Variants in PUM2 observed in about 807,000 individuals in gnomAD.
PUM2 encodes the protein pumilio homolog 2.
PUM2 carries 57 observed loss-of-function variants against 124.5 expected under a neutral mutation model. The ratio of observed to expected loss-of-function variants is 0.46; its 90% confidence interval spans 0.37 to 0.57. The LOEUF is 0.57. Ranked by LOEUF, PUM2 falls within the 20% of genes least tolerant of loss-of-function variation. The pLI is 0.00. For missense variants in PUM2, 1,065 were observed against 1,290.6 expected (o/e 0.83, Z 2.68); for synonymous variants, 460 against 446.1 (o/e 1.03, Z -0.39).
intron 13 of PUM2, among the ~76,000 whole-genome samples, chr2:20,270,953 C>T (rs57423201): frequency 6.6e-6 from 1 of 151,850 alleles, no homozygotes; most frequent in East Asian, 1.9e-4. Context: ...AAAATAATTC[C>T]AATGAAATCA....
chr2:20,308,079 G>A lies in PUM2; in HGVS notation c.790-8C>T. 6.2e-7 allele frequency: 1 copy of A among 1,600,136 alleles called. No homozygotes were observed. The highest frequency in any genetic ancestry group is 8.5e-7 in the Non-Finnish European group (1 of 1,170,188). ...ATTAGTCCTCTGAAAGAGCTATTAG[G>A]GAAAATATTTAACACAAAGATTAGT... is the stretch of plus-strand genomic sequence containing the variant. On this transcript the variant is annotated splice_region_variant and splice_polypyrimidine_tract_variant and intron_variant, in intron 6 of 20. Coordinates refer to ENST00000361078, the MANE Select transcript of PUM2 (RefSeq NM_015317.5).
intron 1 of PUM2, among the ~76,000 whole-genome samples, chr2:20,344,768 G>C (rs972203314): frequency 1.3e-5 from 2 of 151,884 alleles, no homozygotes; most frequent in African/African-American, 2.4e-5. Flanking sequence ...GGATCACGAG[G>C]TCAGGAGATG....
intron 1 of PUM2, among the ~76,000 whole-genome samples, chr2:20,340,865 T>A (rs908043973): frequency 6.6e-5 from 10 of 152,322 alleles, no homozygotes; most frequent in Non-Finnish European, 8.8e-5. Context: ...ATGAACTCGA[T>A]CTCATTTGTC....
Position 20,254,749 on chromosome 2 carries a change from C to T in PUM2, c.2870+114G>A, listed in dbSNP as rs1024614473. ...GTTCTATAGGTGCATTTTAATGATA[C>T]CAAAAAAAAAAGACTACAGTTTAAT... On this transcript the variant is annotated intron_variant, in intron 19 of 20. Transcript: ENST00000361078. 7 of 1,153,766 alleles carry T rather than the reference C, an allele frequency of 6.1e-6. No homozygotes were observed. In the African/African-American group the frequency reaches 1.1e-4, roughly 18 times the overall value. 71.5% of individuals were successfully genotyped at this position (1,153,766 alleles called of 1,614,324 possible).
chr2:20,267,460 A>C (rs1487490399), intron 13 of PUM2, among the ~76,000 whole-genome samples: 1 of 152,194 alleles, frequency 6.6e-6, no homozygotes, highest in East Asian at 1.9e-4. Flanking sequence ...ATAGTTTTGC[A>C]ATTTTCCCAT....
chr2:20,318,408 C>T (rs1217856607), intron 3 of PUM2, 129 bp downstream of exon 3: 1 of 727,180 alleles, frequency 1.4e-6, no homozygotes, highest in African/African-American at 1.8e-5. Flanking sequence ...TTGAGACCAG[C>T]CTGGGCAATA....
intron 13 of PUM2, among the ~76,000 whole-genome samples, chr2:20,263,677 AGTGT>A (rs1400822718): frequency 6.6e-6 from 1 of 152,216 alleles, no homozygotes; most frequent in Non-Finnish European, 1.5e-5. Flanking sequence ...GAGAAAAATA[AGTGT>A]GTATTTATTC....
chr2:20,350,937 C>T (rs1260041288), upstream of PUM2: 6 of 282,456 alleles, frequency 2.1e-5, no homozygotes, highest in Non-Finnish European at 2.7e-5. Flanking sequence ...GCCTTGCGTC[C>T]CTGCTCCCGC....
At chr2:20,310,462 T>C (rs1679355621) in intron 5 of PUM2, among the ~76,000 whole-genome samples, 1 of 152,004 alleles carries the variant, frequency 6.6e-6, no homozygotes, top group Non-Finnish European at 1.5e-5. Context: ...CTCTGAAGGG[T>C]TTATCATCTA....
Position 20,261,424 on chromosome 2 carries a change from T to TGTAGTACATA in PUM2, c.2226-968_2226-959dup, listed in dbSNP as rs1448486036. ...AAAAAAAAAAAAAAAAAAAAAAAAG[T>TGTAGTACATA]GTAGTACATATAATTGTGTACGGTA... On this transcript the variant is annotated intron_variant, in intron 14 of 20. Coordinates refer to ENST00000361078, the MANE Select transcript of PUM2 (RefSeq NM_015317.5). Among the ~76,000 whole-genome samples, 435 of 65,634 alleles carry TGTAGTACATA rather than the reference T, an allele frequency of 6.6e-3. 3 individuals are homozygous for TGTAGTACATA. The highest frequency in any genetic ancestry group is 0.027 in the African/African-American group (407 of 15,178). 43.1% of individuals were successfully genotyped at this position (65,634 alleles called of 152,430 possible). A position where few individuals can be genotyped will look rare whatever the true frequency, so the allele number is the denominator to read the frequency against.
At chr2:20,286,910 G>A (rs1376499320) in intron 10 of PUM2, among the ~76,000 whole-genome samples, 5 of 151,842 alleles carry the variant, frequency 3.3e-5, no homozygotes, top group East Asian at 1.9e-4. Context: ...AACCCTGATC[G>A]TGCCTGATCT....
chr2:20,336,119 A>C (rs1685953976), intron 1 of PUM2, among the ~76,000 whole-genome samples: 1 of 152,230 alleles, frequency 6.6e-6, no homozygotes, highest in African/African-American at 2.4e-5. Flanking sequence ...AGGTCAAATA[A>C]TTTAGATGGA....
intron 14 of PUM2, among the ~76,000 whole-genome samples, chr2:20,261,530 TAA>T (rs199675974): frequency 3.0e-4 from 41 of 138,942 alleles, no homozygotes; most frequent in African/African-American, 5.0e-4. Context: ...TCCACTTGTT[TAA>T]AAAAAAAAAA....
At chr2:20,292,829 G>A (rs181261810) in intron 9 of PUM2, among the ~76,000 whole-genome samples, 148 of 152,170 alleles carry the variant, frequency 9.7e-4, no homozygotes, top group Non-Finnish European at 1.7e-3. Context: ...TACTTGGGAG[G>A]CTGAGGCAAG....
At chr2:20,302,837 C>CT (rs1384495584) in intron 7 of PUM2, among the ~76,000 whole-genome samples, 1 of 152,186 alleles carries the variant, frequency 6.6e-6, no homozygotes, top group Non-Finnish European at 1.5e-5. Context: ...CAGAAACTCT[C>CT]TAAGATAACA....
chr2:20,285,288 T>C (rs1158052392), intron 10 of PUM2, among the ~76,000 whole-genome samples: 1 of 152,226 alleles, frequency 6.6e-6, no homozygotes, highest in East Asian at 1.9e-4. Flanking sequence ...TGGTCTGCCC[T>C]TGCTCTTTTG....
intron 1 of PUM2, among the ~76,000 whole-genome samples, chr2:20,345,185 A>C (rs996620730): frequency 6.7e-6 from 1 of 149,594 alleles, no homozygotes; most frequent in Non-Finnish European, 1.5e-5. Context: ...CTGCAGCCTC[A>C]GTCTCCTGGA....
In PUM2 at chr2:20,283,351, G is replaced by C. The variant is rs1423504309; in HGVS notation, c.1427C>G (p.Ala476Gly). 1.2e-6 allele frequency: 2 copies of C among 1,613,980 alleles called. No homozygotes were observed. Among genetic ancestry groups the C allele is most frequent in the Admixed American group, 3.3e-5 (2 of 59,928 alleles). ...ATGTCAGTTACACTTACCAGCTTGT[G>C]CTGCTGCTGAACTAATTAAAACAGG... ...PTPVLISSAA[A>G]QAAAAAAAGG... is the part of the protein sequence containing the mutation. Residue 476 changes from alanine to glycine, a missense_variant, in exon 11 of 21, where the codon GCA becomes GGA. By Grantham distance (60) the Ala-to-Gly change is moderately conservative. Transcript: ENST00000361078.
At chr2:20,293,169 T>A (rs950961314) in intron 9 of PUM2, among the ~76,000 whole-genome samples, 1 of 152,204 alleles carries the variant, frequency 6.6e-6, no homozygotes, top group East Asian at 1.9e-4. Context: ...CCGCAATACA[T>A]AGCTGTTGTA....
Sources: allele counts gnomAD v4.1 joint callset (sites outside exome capture counted in the v4.1 genomes callset), GRCh38; gene constraint gnomAD v4.1.1; transcripts MANE v1.5; gene names NCBI Gene and HGNC (gene_info 2026-07-23, HGNC 2026-07-21).